Variants in ARHGEF3 observed in about 807,000 individuals in gnomAD.
ARHGEF3 encodes the protein Rho guanine nucleotide exchange factor 3.
Under a neutral mutation model 63.2 loss-of-function variants are expected in ARHGEF3, and 28 were observed. That is an observed-to-expected ratio of 0.44 (90% CI 0.33 to 0.61). The LOEUF is 0.61. Among genes scored for constraint, ARHGEF3 ranks in the 20% least tolerant of loss-of-function variants. The pLI, the probability that ARHGEF3 is intolerant of heterozygous loss-of-function variation, is 0.03. For synonymous variants in ARHGEF3, 266 were observed against 254.2 expected (o/e 1.05, Z -0.44); for missense variants, 533 against 659.3 (o/e 0.81, Z 2.10).
At chr3:56,985,227 T>C (rs1227534483) in intron 2 of ARHGEF3, among the ~76,000 whole-genome samples, 1 of 152,226 alleles carries the variant, frequency 6.6e-6, no homozygotes, top group Non-Finnish European at 1.5e-5. Context: ...TAGCTGGGAC[T>C]ATAGGTGCCC....
intron 2 of ARHGEF3, among the ~76,000 whole-genome samples, chr3:57,023,470 A>G (rs1046133373): frequency 3.3e-5 from 5 of 152,304 alleles, no homozygotes; most frequent in Admixed American, 1.3e-4. Context: ...CTCTAGCCAG[A>G]GATCTTTTCT....
At chr3:56,823,431 T>A (rs543332266) in intron 4 of ARHGEF3, among the ~76,000 whole-genome samples, 12 of 152,222 alleles carry the variant, frequency 7.9e-5, no homozygotes, top group African/African-American at 2.9e-4. Context: ...ACCAGACTGC[T>A]AATCACCTCA....
chr3:56,744,063 A>G (rs1045442477), intron 7 of ARHGEF3, among the ~76,000 whole-genome samples: 14 of 152,210 alleles, frequency 9.2e-5, no homozygotes, highest in Non-Finnish European at 1.5e-4. Flanking sequence ...TGATATTTAA[A>G]AACCTCTATA....
chr3:57,063,621 TG>T (rs1579198963), intron 1 of ARHGEF3, among the ~76,000 whole-genome samples: 1 of 151,898 alleles, frequency 6.6e-6, no homozygotes, highest in East Asian at 1.9e-4. Context: ...AACAGAGATG[TG>T]GGAAGAGGAT....
chr3:56,982,607 T>C (rs180873880), intron 2 of ARHGEF3, among the ~76,000 whole-genome samples: 3 of 152,138 alleles, frequency 2.0e-5, no homozygotes, highest in Non-Finnish European at 4.4e-5. Flanking sequence ...AGGGTGGAGA[T>C]TGTTGTCTAC....
intron 7 of ARHGEF3, among the ~76,000 whole-genome samples, chr3:56,744,979 C>T (rs1432300788): frequency 6.6e-6 from 1 of 152,166 alleles, no homozygotes; most frequent in East Asian, 1.9e-4. Flanking sequence ...AGGGACCTTA[C>T]AGCGTGTTTC....
chr3:56,839,024 A>C (rs1279838469), intron 4 of ARHGEF3, among the ~76,000 whole-genome samples: 1 of 152,138 alleles, frequency 6.6e-6, no homozygotes, highest in Non-Finnish European at 1.5e-5. Context: ...CTGTAGTCCC[A>C]GCTACTCAGG....
intron 1 of ARHGEF3, chr3:57,073,974 A>G (rs370178911): frequency 6.2e-7 from 1 of 1,614,248 alleles, no homozygotes; most frequent in Non-Finnish European, 8.5e-7. Flanking sequence ...CTCTCTTGAC[A>G]TCGCTGTATC....
Position 56,755,123 on chromosome 3 carries a change from C to G in ARHGEF3, c.233G>C (p.Arg78Pro). The G allele has an allele frequency of 6.2e-7, 1 of 1,613,754 alleles. No homozygotes were observed. The highest frequency in any genetic ancestry group is 8.5e-7 in the Non-Finnish European group (1 of 1,179,992). Residue 78 changes from arginine (R) to proline (P), a missense_variant, in exon 3 of 10, where the codon CGC (arginine) becomes CCC (proline). This residue lies in a region of ARHGEF3 where 160 missense variants were observed against 157.3 expected (regional missense o/e 1.02). Transcript: ENST00000296315. Reference sequence around the variant, plus strand: ...GGGTCGGGGGGCGAGGATGTCAGGGCGGCTCTCACTGCGGAAGCTAATGGA... The same window carrying G: ...GGGTCGGGGGGCGAGGATGTCAGGGGGGCTCTCACTGCGGAAGCTAATGGA... ...QRSISFRSES[R>P]PDILAPRPWS...
chr3:56,899,074 A>C (rs1286130720), intron 3 of ARHGEF3, among the ~76,000 whole-genome samples: 2 of 152,120 alleles, frequency 1.3e-5, no homozygotes, highest in Non-Finnish European at 2.9e-5. Flanking sequence ...ACAACAACAA[A>C]AAAACACACC....
At chr3:57,014,262 CTG>C (rs1702862087) in intron 2 of ARHGEF3, among the ~76,000 whole-genome samples, 3 of 152,200 alleles carry the variant, frequency 2.0e-5, no homozygotes, top group East Asian at 3.9e-4. Flanking sequence ...TCTTTAAGAA[CTG>C]TAACACTCAC....
intron 4 of ARHGEF3, among the ~76,000 whole-genome samples, chr3:56,878,569 G>A (rs1052392246): frequency 1.3e-5 from 2 of 152,130 alleles, no homozygotes; most frequent in Non-Finnish European, 2.9e-5. Context: ...ACCCATCACC[G>A]AGCTTTAAGA....
intron 4 of ARHGEF3, among the ~76,000 whole-genome samples, chr3:56,876,247 G>C (rs1374697353): frequency 6.6e-6 from 1 of 152,174 alleles, no homozygotes; most frequent in East Asian, 1.9e-4. Flanking sequence ...CAAGGCTTTG[G>C]AAGCACAGTC....
At position 56,944,714 on chromosome 3, in the gene ARHGEF3, C is replaced by T. The variant is rs538184542; in HGVS notation, c.129+14109G>A. 4.0e-5 allele frequency among the ~76,000 whole-genome samples: 6 copies of T among 151,340 alleles called. No homozygotes were observed. The South Asian group carries it at 1.0e-3, about 26-fold the overall frequency. On this transcript the variant is annotated intron_variant, in intron 3 of 12. Coordinates refer to the ARHGEF3 transcript ENST00000338458. ...GCCTCAGCCTCCCAAGTAGCTGGGACGACAGGCACCTGCGCAACCATGTCC... is the reference window on the plus strand; with the variant it reads ...GCCTCAGCCTCCCAAGTAGCTGGGATGACAGGCACCTGCGCAACCATGTCC...
chr3:56,838,299 A>G (rs2039187652), intron 4 of ARHGEF3, among the ~76,000 whole-genome samples: 1 of 152,204 alleles, frequency 6.6e-6, no homozygotes. Flanking sequence ...AAATGCATGG[A>G]AGAACATAAT....
At chr3:57,015,955 G>A (rs1033013971) in intron 2 of ARHGEF3, among the ~76,000 whole-genome samples, 1 of 152,030 alleles carries the variant, frequency 6.6e-6, no homozygotes, top group African/African-American at 2.4e-5. Context: ...CCAGATGGCC[G>A]AATCTTGCAG....
intron 4 of ARHGEF3, among the ~76,000 whole-genome samples, chr3:56,860,146 T>C (rs1461754518): frequency 2.0e-5 from 3 of 152,144 alleles, no homozygotes; most frequent in African/African-American, 7.2e-5. Flanking sequence ...AAAAATCTAA[T>C]TTATTAAATA....
chr3:57,076,064 A>G (rs1706206702), intron 1 of ARHGEF3, among the ~76,000 whole-genome samples: 1 of 152,236 alleles, frequency 6.6e-6, no homozygotes, highest in African/African-American at 2.4e-5. Context: ...TGTACAAACC[A>G]TTAAGAAAAT....
At chr3:57,014,228 A>C (rs2107122390) in intron 2 of ARHGEF3, among the ~76,000 whole-genome samples, 1 of 152,316 alleles carries the variant, frequency 6.6e-6, no homozygotes, top group Non-Finnish European at 1.5e-5. Flanking sequence ...TGAATATCCG[A>C]AGGAACAAAC....
Sources: gnomAD v4.1 joint callset for allele counts (sites outside exome capture counted in the v4.1 genomes callset) on GRCh38, gnomAD v4.1.1 for gene constraint, gnomAD v4.1.1 regional missense constraint, MANE v1.5 for transcripts, NCBI Gene and HGNC (gene_info 2026-07-23, HGNC 2026-07-21) for gene names.